The following CLEC16A variants were observed in gnomAD, a reference collection of about 807,000 sequenced individuals.
CLEC16A encodes the protein protein CLEC16A.
In CLEC16A, 51 loss-of-function variants were observed where a neutral mutation model predicts 109.5. The ratio of observed to expected loss-of-function variants is 0.47; its 90% CI spans 0.37 to 0.59. The LOEUF (loss-of-function observed/expected upper bound fraction) is 0.59. Ranked by LOEUF, CLEC16A falls within the 20% of genes least tolerant of loss-of-function variation. The pLI, the probability that CLEC16A is intolerant of heterozygous loss-of-function variation, is 0.00. For synonymous variants in CLEC16A, 673 were observed against 564.2 expected (o/e 1.19, Z -2.73); for missense variants, 1,339 against 1,394.0 (o/e 0.96, Z 0.63).
At chr16:11,091,528 G>T (rs967538858) in intron 19 of CLEC16A, among the ~76,000 whole-genome samples, 1 of 152,192 alleles carries the variant, frequency 6.6e-6, no homozygotes, top group Non-Finnish European at 1.5e-5. Flanking sequence ...GTCCTGAGGG[G>T]CTGGCACTGC....
intron 11 of CLEC16A, among the ~76,000 whole-genome samples, chr16:11,004,619 A>G (rs756092264): frequency 6.6e-6 from 1 of 152,052 alleles, no homozygotes; most frequent in Non-Finnish European, 1.5e-5. Context: ...CTGGGAGCTC[A>G]TTTGCTTTTG....
chr16:11,027,798 A>G (rs1032209011), intron 13 of CLEC16A: 1 of 870,826 alleles, frequency 1.1e-6, no homozygotes, highest in Non-Finnish European at 1.9e-6. Context: ...ATTTTTGATC[A>G]ATGAAGTGGA....
rs185077722 is a variant in CLEC16A at position 10,958,988 on chromosome 16, C to T, written c.209+1078C>T. 3.5e-4 allele frequency among the ~76,000 whole-genome samples: 53 copies of T among 149,530 alleles called. No individual in the cohort carries two copies. In the East Asian group the frequency reaches 1.0e-2, roughly 28 times the overall value. On this transcript the variant is annotated intron_variant, in intron 2 of 23. Coordinates refer to ENST00000409790, the MANE Select transcript of CLEC16A (RefSeq NM_015226.3). ...TGTCTTAGTGCAGAAGGATTTGGGG[C>T]TGGGTTATGACAACCACTAAACACG...
intron 22 of CLEC16A, among the ~76,000 whole-genome samples, chr16:11,138,690 G>GC (rs1346919219): frequency 6.6e-6 from 1 of 151,966 alleles, no homozygotes; most frequent in Non-Finnish European, 1.5e-5. Context: ...TATATTGCTT[G>GC]TTTCAAAAAA....
intron 8 of CLEC16A, 119 bp downstream of exon 8, chr16:10,977,518 T>G: frequency 1.0e-6 from 1 of 964,146 alleles, no homozygotes; most frequent in South Asian, 1.8e-5. Context: ...TTTTTTTTGT[T>G]TGTTTGTTTT....
intron 23 of CLEC16A, among the ~76,000 whole-genome samples, chr16:11,177,618 A>G (rs1213367772): frequency 6.6e-6 from 1 of 151,238 alleles, no homozygotes; most frequent in Non-Finnish European, 1.5e-5. Context: ...AAAAAAAAAA[A>G]GCACCAAGGA....
At chr16:10,972,679 C>G (rs1489029381) in intron 6 of CLEC16A, 120 bp downstream of exon 6, 7 of 934,110 alleles carry the variant, frequency 7.5e-6, no homozygotes, top group African/African-American at 3.3e-5. Flanking sequence ...TAAGTAGGCT[C>G]TCCCATGCAC....
At chr16:11,027,916 G>C (rs34249307) in intron 13 of CLEC16A, among the ~76,000 whole-genome samples, 24,602 of 152,254 alleles carry the variant, frequency 0.16, 2,432 homozygotes, top group South Asian at 0.24. Flanking sequence ...AAAGACAGTA[G>C]CTGGCTGGGC....
At chr16:10,966,667 C>T (rs1596785724) in intron 3 of CLEC16A, among the ~76,000 whole-genome samples, 1 of 152,310 alleles carries the variant, frequency 6.6e-6, no homozygotes, top group South Asian at 2.1e-4. Context: ...GAAGCAAACA[C>T]ATCCTTCTTC....
chr16:11,177,655 G>T (rs2068808230), intron 23 of CLEC16A, among the ~76,000 whole-genome samples: 1 of 151,170 alleles, frequency 6.6e-6, no homozygotes, highest in Non-Finnish European at 1.5e-5. Flanking sequence ...AAGAATAACT[G>T]CGTTGGGTGG....
intron 10 of CLEC16A, among the ~76,000 whole-genome samples, chr16:10,992,459 G>A (rs1567168126): frequency 6.6e-6 from 1 of 151,560 alleles, no homozygotes; most frequent in Non-Finnish European, 1.5e-5. Context: ...ACCCTGATGT[G>A]ATCATTACAT....
intron 13 of CLEC16A, among the ~76,000 whole-genome samples, chr16:11,029,694 C>G (rs1259425691): frequency 6.6e-6 from 1 of 152,158 alleles, no homozygotes; most frequent in Non-Finnish European, 1.5e-5. Flanking sequence ...TAAATTCAGT[C>G]CATCTTGGCC....
At position 10,946,257 on chromosome 16, in the gene CLEC16A, A is replaced by C. The variant is rs562577403; in HGVS notation, c.80+1460A>C. Among the ~76,000 whole-genome samples the C allele has an allele frequency of 1.7e-4, 26 of 152,240 alleles. 1 individual carries two copies. In the South Asian group the frequency reaches 5.4e-3, roughly 32 times the overall value. On this transcript the variant is annotated intron_variant, in intron 1 of 23. Transcript: ENST00000409790. Reference sequence around the variant, plus strand: ...AGTGGAAGGGAGACGGGGCTGTGGAAAGGATTGGTGGGAGGGAATTAGATA... The same window carrying C: ...AGTGGAAGGGAGACGGGGCTGTGGACAGGATTGGTGGGAGGGAATTAGATA...
At chr16:11,028,328 AAGGAGTCCT>A (rs1460833027) in intron 13 of CLEC16A, among the ~76,000 whole-genome samples, 1 of 152,176 alleles carries the variant, frequency 6.6e-6, no homozygotes, top group Non-Finnish European at 1.5e-5. Context: ...TCCATGGAGG[AAGGAGTCCT>A]GCTTTGTTGC....
At chr16:11,095,353 T>G (rs1363364935) in intron 19 of CLEC16A, among the ~76,000 whole-genome samples, 2 of 152,146 alleles carry the variant, frequency 1.3e-5, no homozygotes, top group African/African-American at 2.4e-5. Context: ...GTTCTGACTC[T>G]GGGTGCAGGG....
At chr16:10,970,900 C>G (rs906578391) in intron 4 of CLEC16A, among the ~76,000 whole-genome samples, 1 of 152,100 alleles carries the variant, frequency 6.6e-6, no homozygotes, top group Non-Finnish European at 1.5e-5. Context: ...GGGTGTGCAC[C>G]ACCACACGGA....
At chr16:11,047,062 A>G (rs1326137536) in intron 16 of CLEC16A, among the ~76,000 whole-genome samples, 1 of 152,072 alleles carries the variant, frequency 6.6e-6, no homozygotes, top group East Asian at 1.9e-4. Context: ...CTAACTCCAT[A>G]TACTTAAAAA....
rs979164364 is a variant in CLEC16A, at chr16:11,064,355, T to C, written c.2116+3333T>C. The stretch of plus-strand genomic sequence containing the variant: ...AGGGGCCTGTAGACAGGGCCTGTGC[T>C]CACCCATGTGCTGCCGCCCGGGTCT... On this transcript the variant is annotated intron_variant, in intron 19 of 23. Transcript: ENST00000409790. Among the ~76,000 whole-genome samples, 4 of 152,378 alleles carry C rather than the reference T, an allele frequency of 2.6e-5. No homozygotes were observed. The East Asian group carries it at 7.7e-4, about 29-fold the overall frequency.
intron 15 of CLEC16A, among the ~76,000 whole-genome samples, chr16:11,043,025 C>T (rs11865989): frequency 0.087 from 13,165 of 151,200 alleles, 609 homozygotes; most frequent in African/African-American, 0.12. Context: ...CATCTATTTA[C>T]ATATGTAAAT....
Sources: gnomAD v4.1 joint callset for allele counts (sites outside exome capture counted in the v4.1 genomes callset) on GRCh38, gnomAD v4.1.1 for gene constraint, MANE v1.5 for transcripts, NCBI Gene and HGNC (gene_info 2026-07-23, HGNC 2026-07-21) for gene names.